The following SV2B variants were observed in gnomAD, a reference collection of about 807,000 sequenced individuals.
The protein encoded by SV2B is solute carrier family 22 member B2.
SV2B carries 41 observed loss-of-function variants against 73.9 expected under a neutral mutation model. That is an observed-to-expected ratio of 0.56 (90% CI 0.43 to 0.72). The LOEUF (loss-of-function observed/expected upper bound fraction) is 0.72, where lower values mean the gene tolerates loss of function less well. Ranked by LOEUF, SV2B falls within the 30% of genes least tolerant of loss-of-function variation. The pLI, the probability that SV2B is intolerant of heterozygous loss-of-function variation, is 0.00. For synonymous variants in SV2B, 314 were observed against 314.2 expected, an observed-to-expected ratio of 1.00 and a Z score of 0.01; for missense variants, 764 against 857.8, an observed-to-expected ratio of 0.89 and a Z score of 1.37.
intron 4 of SV2B, among the ~76,000 whole-genome samples, chr15:91,255,232 T>G (rs1484078947): frequency 2.6e-5 from 4 of 152,196 alleles, no homozygotes; most frequent in Admixed American, 6.5e-5. Context: ...GTTGGGGACA[T>G]GTTGACCAAC....
At position 91,289,681 on chromosome 15, in the gene SV2B, G is replaced by T; in HGVS notation, c.1868+1G>T. 6.2e-7 allele frequency: 1 copy of T among 1,611,724 alleles called. No homozygotes were observed. The highest frequency in any genetic ancestry group is 1.7e-5 in the Admixed American group (1 of 59,916). On this transcript the variant is annotated splice_donor_variant, in intron 12 of 12. Transcript: ENST00000394232. LOFTEE classifies it high-confidence loss of function. The surrounding 1 kb of genome is among the most constrained non-coding windows in gnomAD (Gnocchi z 4.9). Reference sequence around the variant, plus strand: ...TGGAGCTGTATCCCACCAACCAGAGGTCAGTTCTTCCCCAGGCTTTCCTCA... The same window carrying T: ...TGGAGCTGTATCCCACCAACCAGAGTTCAGTTCTTCCCCAGGCTTTCCTCA...
At chr15:91,271,012 T>A (rs72478459) in intron 9 of SV2B, among the ~76,000 whole-genome samples, 18,446 of 103,640 alleles carry the variant, frequency 0.18, 3,707 homozygotes, top group African/African-American at 0.39. Flanking sequence ...GGGAGGACGG[T>A]GAGTCCTGTG....
chr15:91,238,861 A>G (rs148914598), intron 2 of SV2B, among the ~76,000 whole-genome samples: 62 of 152,038 alleles, frequency 4.1e-4, no homozygotes, highest in African/African-American at 1.5e-3. Context: ...AATTTCCCGC[A>G]TCCCTTCCGC....
intron 4 of SV2B, among the ~76,000 whole-genome samples, chr15:91,255,808 G>T (rs1428104639): frequency 6.6e-6 from 1 of 152,142 alleles, no homozygotes; most frequent in Non-Finnish European, 1.5e-5. Flanking sequence ...GAATCACAGT[G>T]TAACAAGAGC....
At chr15:91,158,306 G>C (rs1165989220) in intron 1 of SV2B, among the ~76,000 whole-genome samples, 1 of 152,134 alleles carries the variant, frequency 6.6e-6, no homozygotes, top group Non-Finnish European at 1.5e-5. Context: ...CTTTGGGCAA[G>C]TTACTTAACT....
At position 91,224,661 on chromosome 15, in the gene SV2B, G is replaced by A. The variant is rs1347001772; in HGVS notation, c.-391-1212G>A. ...GGACCAGTGACCTGGTCCTAATGCT[G>A]TGACCTTGATCGCGTTACTAACCCA... On this transcript the variant is annotated intron_variant, in intron 1 of 12. Coordinates refer to ENST00000394232, the MANE Select transcript of SV2B (RefSeq NM_001323032.3). The surrounding 1 kb of genome is among the most constrained non-coding windows in gnomAD (Gnocchi z 4.9). Among the ~76,000 whole-genome samples the A allele has an allele frequency of 6.6e-6, 1 of 152,204 alleles. No individual in the cohort carries two copies. Among genetic ancestry groups the A allele is most frequent in the Non-Finnish European group, 1.5e-5 (1 of 68,034 alleles).
At position 91,236,260 on chromosome 15, in the gene SV2B, A is replaced by G; in HGVS notation, c.451+9546A>G. 6.6e-6 allele frequency among the ~76,000 whole-genome samples: 1 copy of G among 152,208 alleles called. No individual in the cohort carries two copies. Among genetic ancestry groups the G allele is most frequent in the South Asian group, 2.1e-4 (1 of 4,834 alleles). On this transcript the variant is annotated intron_variant, in intron 2 of 12. Transcript: ENST00000394232. This position sits in a 1 kb window ranked among gnomAD's most constrained non-coding sequence, Gnocchi z 4.1. ...CCTGGTAAATGAAAGATGTTTAGTA[A>G]CTACCAATTTGCTAATTATCAGAAT...
intron 1 of SV2B, among the ~76,000 whole-genome samples, chr15:91,131,671 A>C (rs912059930): frequency 2.6e-5 from 4 of 151,886 alleles, no homozygotes; most frequent in Non-Finnish European, 5.9e-5. Flanking sequence ...AACAAAAAAA[A>C]CAAAAAAGTG....
At chr15:91,225,194 G>A (rs2046333214) in intron 1 of SV2B, among the ~76,000 whole-genome samples, 1 of 152,220 alleles carries the variant, frequency 6.6e-6, no homozygotes, top group African/African-American at 2.4e-5. Context: ...TCATCTGGCT[G>A]TATCCTCAGC....
At chr15:91,166,979 A>AT (rs1235703075) in intron 1 of SV2B, among the ~76,000 whole-genome samples, 6 of 151,688 alleles carry the variant, frequency 4.0e-5, no homozygotes, top group Non-Finnish European at 7.4e-5. Flanking sequence ...ATGCCCGGCT[A>AT]TTTTTTTGTA....
chr15:91,222,614 C>T (rs1304924012), intron 1 of SV2B, among the ~76,000 whole-genome samples: 7 of 152,204 alleles, frequency 4.6e-5, no homozygotes, highest in Non-Finnish European at 1.5e-5. Context: ...GCCAGCGACT[C>T]TGCGTGTGAC....
intron 1 of SV2B, among the ~76,000 whole-genome samples, chr15:91,172,487 C>T (rs1249984106): frequency 6.6e-6 from 1 of 152,210 alleles, no homozygotes; most frequent in East Asian, 1.9e-4. Context: ...CCCACCATGT[C>T]TTCTTCTTCT....
intron 1 of SV2B, among the ~76,000 whole-genome samples, chr15:91,219,369 C>G (rs1350970140): frequency 6.6e-6 from 1 of 152,202 alleles, no homozygotes; most frequent in South Asian, 2.1e-4. Flanking sequence ...CTGCAATTCT[C>G]TCTTCCAATA....
chr15:91,230,690 TCACC>T (rs1482147504), intron 2 of SV2B, among the ~76,000 whole-genome samples: 1 of 152,228 alleles, frequency 6.6e-6, no homozygotes, highest in Admixed American at 6.5e-5. Context: ...ATTAAACTCT[TCACC>T]CATTCTTTTA....
At chr15:91,142,741 C>T (rs543512156) in intron 1 of SV2B, among the ~76,000 whole-genome samples, 41 of 152,286 alleles carry the variant, frequency 2.7e-4, no homozygotes, top group Non-Finnish European at 1.6e-4. Flanking sequence ...GTCCAGGATC[C>T]AACCAAGGTG....
At position 91,265,989 on chromosome 15, in the gene SV2B, A is replaced by G. The variant is rs2048086624; in HGVS notation, c.1009-593A>G. On this transcript the variant is annotated intron_variant, in intron 6 of 12. Transcript: ENST00000394232. The surrounding 1 kb of genome is among the most constrained non-coding windows in gnomAD (Gnocchi z 4.2). ...AACCCTGTCTCTATTAAAAAATACA[A>G]AAAATTAGCTGGGTGTGGTGGTGCA... 6.6e-6 allele frequency among the ~76,000 whole-genome samples: 1 copy of G among 152,142 alleles called. No homozygotes were observed. The highest frequency in any genetic ancestry group is 2.1e-4 in the South Asian group (1 of 4,826).
At chr15:91,099,769 G>C (rs964676538), upstream of SV2B, among the ~76,000 whole-genome samples, 1 of 152,192 alleles carries the variant, frequency 6.6e-6, no homozygotes, top group African/African-American at 2.4e-5. Context: ...TACTTTGGGG[G>C]CGGCGTGATC....
Position 91,281,432 on chromosome 15 carries a change from A to G in SV2B, c.1374-296A>G, listed in dbSNP as rs2048677344. 6.6e-6 allele frequency among the ~76,000 whole-genome samples: 1 copy of G among 152,196 alleles called. No homozygotes were observed. Among genetic ancestry groups the G allele is most frequent in the Non-Finnish European group, 1.5e-5 (1 of 68,036 alleles). ...GTTATTAATATTTAAATTTCACACT[A>G]TTTCACATTTCTGTGATTCTGACTT... On this transcript the variant is annotated intron_variant, in intron 9 of 12. Transcript: ENST00000394232. The surrounding 1 kb of genome is among the most constrained non-coding windows in gnomAD (Gnocchi z 4.7).
intron 1 of SV2B, among the ~76,000 whole-genome samples, chr15:91,150,952 G>A (rs1421514407): frequency 1.3e-5 from 2 of 152,182 alleles, no homozygotes; most frequent in Non-Finnish European, 2.9e-5. Context: ...TTGCCTAGGA[G>A]ACTCATATGA....
Sources: gnomAD v4.1 joint callset for allele counts (sites outside exome capture counted in the v4.1 genomes callset) on GRCh38, gnomAD v4.1.1 for gene constraint, Gnocchi (gnomAD v3.1) non-coding constraint, MANE v1.5 for transcripts, NCBI Gene and HGNC (gene_info 2026-07-23, HGNC 2026-07-21) for gene names.